Variants in IL1RAP observed in about 807,000 individuals in gnomAD.
The protein encoded by IL1RAP is interleukin 1 receptor accessory protein.
In IL1RAP, 35 loss-of-function variants were observed where a neutral mutation model predicts 60.7. That is an observed-to-expected ratio of 0.58 (90% CI 0.44 to 0.76). IL1RAP has a LOEUF of 0.76. Among genes scored for constraint, IL1RAP ranks in the 30% least tolerant of loss-of-function variants. The probability of loss-of-function intolerance (pLI) is 0.00; values close to 1 mark genes in which losing one functional copy is unlikely to be tolerated. For synonymous variants in IL1RAP, 268 were observed against 250.9 expected, an observed-to-expected ratio of 1.07 and a Z score of -0.64; for missense variants, 572 against 693.9, an observed-to-expected ratio of 0.82 and a Z score of 1.97.
chr3:190,575,135 T>G (rs961150730), intron 3 of IL1RAP, among the ~76,000 whole-genome samples: 1 of 152,140 alleles, frequency 6.6e-6, no homozygotes, highest in African/African-American at 2.4e-5. Flanking sequence ...AACCTCCACA[T>G]TTAGGGAGGT....
intron 3 of IL1RAP, among the ~76,000 whole-genome samples, chr3:190,598,750 T>A (rs1004962682): frequency 6.6e-6 from 1 of 152,156 alleles, no homozygotes; most frequent in Admixed American, 6.5e-5. Flanking sequence ...TTTTGTGTAG[T>A]CAACCCAAGG....
chr3:190,643,265 A>G (rs1386321448), intron 9 of IL1RAP, among the ~76,000 whole-genome samples: 1 of 152,226 alleles, frequency 6.6e-6, no homozygotes, highest in East Asian at 1.9e-4. Context: ...ATATAAAATA[A>G]TGATATTCGA....
At chr3:190,525,038 CTATT>C (rs1423535214) in intron 1 of IL1RAP, among the ~76,000 whole-genome samples, 5 of 151,884 alleles carry the variant, frequency 3.3e-5, no homozygotes, top group African/African-American at 1.2e-4. Flanking sequence ...AAATAAGTGT[CTATT>C]TATCTATATA....
At chr3:190,606,867 A>G (rs1463926196) in intron 4 of IL1RAP, among the ~76,000 whole-genome samples, 1 of 152,142 alleles carries the variant, frequency 6.6e-6, no homozygotes, top group East Asian at 1.9e-4. Context: ...GTCTTTCAGT[A>G]TTTTATTTAT....
In IL1RAP at chr3:190,554,864, G is replaced by C. The variant is rs1403845911; in HGVS notation, c.-88-1266G>C. Among the ~76,000 whole-genome samples, 3 of 152,008 alleles carry C rather than the reference G, an allele frequency of 2.0e-5. No individual in the cohort carries two copies. The East Asian group carries it at 5.8e-4, about 29-fold the overall frequency. ...AACTTCTATTAAAGTGTATAAAGTA[G>C]GGGCTTAATAAATACATTGATTTGA... On this transcript the variant is annotated intron_variant, in intron 1 of 11. Coordinates refer to ENST00000447382, the MANE Select transcript of IL1RAP (RefSeq NM_002182.4).
chr3:190,578,589 C>G lies in IL1RAP; in HGVS notation c.64+14236C>G, dbSNP rs1269508300. ...AAAATAAGCATTAGCTACCCAAATA[C>G]TTGGAATTTGAAATTAGCAACTCCC... On this transcript the variant is annotated intron_variant, in intron 3 of 11. Transcript: ENST00000447382. Among the ~76,000 whole-genome samples, 3 of 152,158 alleles carry G rather than the reference C, an allele frequency of 2.0e-5. 1 individual carries two copies. Among genetic ancestry groups the G allele is most frequent in the Non-Finnish European group, 4.4e-5 (3 of 68,030 alleles).
chr3:190,526,272 C>T (rs150454869), intron 1 of IL1RAP, among the ~76,000 whole-genome samples: 39 of 152,278 alleles, frequency 2.6e-4, no homozygotes, highest in African/African-American at 8.9e-4. Context: ...CAAGACAAAA[C>T]TGAGACCCGG....
intron 2 of IL1RAP, among the ~76,000 whole-genome samples, chr3:190,560,709 G>A (rs1725811253): frequency 1.3e-5 from 2 of 152,176 alleles, no homozygotes; most frequent in East Asian, 1.9e-4. Context: ...GGCTAGGTGA[G>A]AGAATTCAGT....
intron 3 of IL1RAP, among the ~76,000 whole-genome samples, chr3:190,572,585 T>C (rs1324720261): frequency 6.6e-6 from 1 of 152,186 alleles, no homozygotes; most frequent in Middle Eastern, 3.2e-3. Flanking sequence ...TATATACTTT[T>C]TTCAGATTAC....
chr3:190,606,161 G>A (rs1730306725), intron 4 of IL1RAP, among the ~76,000 whole-genome samples: 2 of 151,942 alleles, frequency 1.3e-5, no homozygotes. Context: ...TTAATGGAGT[G>A]GACTTTAGAC....
intron 5 of IL1RAP, among the ~76,000 whole-genome samples, chr3:190,618,752 C>A (rs142548764): frequency 7.4e-4 from 113 of 152,286 alleles, no homozygotes; most frequent in African/African-American, 2.6e-3. Context: ...ATATTGAAAT[C>A]GTTTGCTGAC....
chr3:190,653,632 C>T (rs1047175793), downstream of IL1RAP, among the ~76,000 whole-genome samples: 1 of 151,948 alleles, frequency 6.6e-6, no homozygotes, highest in African/African-American at 2.4e-5. Flanking sequence ...CTTTTACAGG[C>T]AAGAGTATTC....
chr3:190,622,683 G>A (rs904750842), intron 6 of IL1RAP, among the ~76,000 whole-genome samples: 1 of 152,174 alleles, frequency 6.6e-6, no homozygotes, highest in African/African-American at 2.4e-5. Context: ...TCCAGCTGAA[G>A]AGATACATAG....
At chr3:190,523,718 A>G (rs1407116983) in intron 1 of IL1RAP, among the ~76,000 whole-genome samples, 2 of 152,168 alleles carry the variant, frequency 1.3e-5, no homozygotes. Flanking sequence ...TTATGGCTGC[A>G]TAGTATTCCA....
chr3:190,603,305 T>C (rs1338169706), intron 3 of IL1RAP, among the ~76,000 whole-genome samples: 1 of 152,222 alleles, frequency 6.6e-6, no homozygotes, highest in Non-Finnish European at 1.5e-5. Context: ...AGAAGGAATT[T>C]AAAGAATTGA....
At chr3:190,526,076 A>G (rs1722484342) in intron 1 of IL1RAP, among the ~76,000 whole-genome samples, 1 of 152,236 alleles carries the variant, frequency 6.6e-6, no homozygotes, top group Admixed American at 6.5e-5. Context: ...CTTACAGGTC[A>G]TCTCTTCCGT....
intron 9 of IL1RAP, among the ~76,000 whole-genome samples, chr3:190,636,701 T>G (rs958642786): frequency 6.6e-6 from 1 of 152,102 alleles, no homozygotes; most frequent in Non-Finnish European, 1.5e-5. Context: ...TACTTATACT[T>G]TATACTTAAT....
chr3:190,619,081 T>C (rs1731529068), intron 5 of IL1RAP, among the ~76,000 whole-genome samples: 1 of 152,202 alleles, frequency 6.6e-6, no homozygotes, highest in South Asian at 2.1e-4. Flanking sequence ...GTAAAAAGCC[T>C]TAGAGATAAC....
At chr3:190,594,170 C>T (rs966382631) in intron 3 of IL1RAP, among the ~76,000 whole-genome samples, 7 of 152,098 alleles carry the variant, frequency 4.6e-5, no homozygotes, top group African/African-American at 1.4e-4. Flanking sequence ...AAATGCAGAT[C>T]GTGATTCAAT....
Sources: gnomAD v4.1 joint callset for allele counts (sites outside exome capture counted in the v4.1 genomes callset) on GRCh38, gnomAD v4.1.1 for gene constraint, MANE v1.5 for transcripts, NCBI Gene and HGNC (gene_info 2026-07-23, HGNC 2026-07-21) for gene names.